STS: variants seen among roughly 807,000 people sequenced by gnomAD.
STS encodes steryl-sulfatase.
STS carries 7 observed loss-of-function variants against 26.8 expected under a neutral mutation model. The ratio of observed to expected loss-of-function variants is 0.26; its 90% CI spans 0.15 to 0.49. The LOEUF (loss-of-function observed/expected upper bound fraction) is 0.49, where lower values mean the gene tolerates loss of function less well. STS is among the 20% of genes least tolerant of loss of function. The pLI is 0.98. For synonymous variants in STS, 199 were observed against 189.4 expected (o/e 1.05, Z -0.42); for missense variants, 434 against 465.6 (o/e 0.93, Z 0.63).
intron 6 of STS, among the ~76,000 whole-genome samples, chrX:7,267,413 C>T (rs1421513096): frequency 8.9e-6 from 1 of 112,091 alleles, no homozygotes; most frequent in Non-Finnish European, 1.9e-5. Context: ...TATTCACAAA[C>T]AGCTTTTTTC....
rs773771753 is a variant in STS, at chrX:7,233,175, C to T, written c.-4-20021C>T. Among the ~76,000 whole-genome samples the T allele has an allele frequency of 5.0e-5, 5 of 100,555 alleles. No homozygotes were observed. In the East Asian group the frequency reaches 1.3e-3, roughly 26 times the overall value. The allele number at this position is 100,555 out of a possible 115,157, so 87.3% of individuals were successfully genotyped here. A position where few individuals can be genotyped will look rare whatever the true frequency, so the allele number is the denominator to read the frequency against. On this transcript the variant is annotated intron_variant, in intron 2 of 10. Coordinates refer to ENST00000674429, the MANE Select transcript of STS (RefSeq NM_001320752.2). ...ATGGCGCGATCTTGGCTCACTGCAA[C>T]CTCTGCCTCCAGGGTTCAAGCAATT...
At position 7,351,517 on chromosome X, in the gene STS, C is replaced by G. The variant is rs1928795986; in HGVS notation, c.*1256C>G. ...TTCAAAGTCTAAACCACCAGCCCAT[C>G]CTGAGGAAAGCCTCCTATGGAATGT... On this transcript the variant is annotated 3_prime_UTR_variant, in exon 11 of 11. Transcript: ENST00000674429. The G allele has an allele frequency of 8.9e-6, 1 of 112,030 alleles. No homozygotes were observed. The highest frequency in any genetic ancestry group is 1.9e-5 in the Non-Finnish European group (1 of 53,225). 9.2% of individuals were successfully genotyped at this position (112,030 alleles called of 1,213,427 possible).
intron 10 of STS, among the ~76,000 whole-genome samples, chrX:7,341,791 TC>T (rs1928295482): frequency 9.1e-6 from 1 of 109,951 alleles, no homozygotes; most frequent in Non-Finnish European, 1.9e-5. Context: ...AACCATCATC[TC>T]TTTTTTTTTT....
At position 7,325,362 on chromosome X, in the gene STS, G is replaced by A. The variant is rs767138089; in HGVS notation, c.1105G>A (p.Gly369Arg). 2 of 1,211,488 alleles carry A rather than the reference G, an allele frequency of 1.7e-6. No individual in the cohort carries two copies. The highest frequency in any genetic ancestry group is 3.0e-5 in the East Asian group (1 of 33,796). ...AGGAGGAAAAGCAAACAACTGGGAA[G>A]GAGGTATCCGGGTTCCAGGCATCCT... ...YKGGKANNWE[G>R]GIRVPGILRW... The change falls in exon 9 of 11, where the codon GGA becomes AGA. Residue 369 changes from glycine to arginine, a missense_variant. Gly to Arg is a moderately radical substitution (Grantham distance 125). Transcript: ENST00000674429.
At chrX:7,229,225 G>A (rs186796288) in intron 2 of STS, among the ~76,000 whole-genome samples, 6 of 112,273 alleles carry the variant, frequency 5.3e-5, no homozygotes, top group African/African-American at 1.9e-4. Flanking sequence ...CGCTTCATCT[G>A]TGTGGCCCCT....
At chrX:7,231,432 G>A (rs1922055187) in intron 2 of STS, among the ~76,000 whole-genome samples, 1 of 112,011 alleles carries the variant, frequency 8.9e-6, no homozygotes, top group Non-Finnish European at 1.9e-5. Context: ...TTGTCAATGT[G>A]TGTTCACTGG....
intron 1 of STS, among the ~76,000 whole-genome samples, chrX:7,159,760 A>T (rs943260221): frequency 1.8e-5 from 2 of 112,367 alleles, no homozygotes; most frequent in Admixed American, 9.5e-5. Flanking sequence ...CCTCTGAGTG[A>T]TGTTAAAAAT....
In STS at chrX:7,205,943, G is replaced by T. The variant is rs184353077; in HGVS notation, c.-5+14935G>T. Among the ~76,000 whole-genome samples the T allele has an allele frequency of 1.1e-4, 12 of 110,428 alleles. No individual in the cohort carries two copies. The East Asian group carries it at 3.4e-3, about 32-fold the overall frequency. On this transcript the variant is annotated intron_variant, in intron 2 of 10. Coordinates refer to ENST00000674429, the MANE Select transcript of STS (RefSeq NM_001320752.2). Reference sequence around the variant, plus strand: ...AATCATTTTTCCTCTGGATTTCACAGTCATTGCATAATTGTCTTGTACCAC... The same window carrying T: ...AATCATTTTTCCTCTGGATTTCACATTCATTGCATAATTGTCTTGTACCAC...
At chrX:7,198,279 G>A (rs181125694) in intron 2 of STS, among the ~76,000 whole-genome samples, 172 of 111,242 alleles carry the variant, frequency 1.5e-3, no homozygotes, top group African/African-American at 5.2e-3. Context: ...TGAAATAATA[G>A]GGGCCCAAAG....
intron 1 of STS, among the ~76,000 whole-genome samples, chrX:7,180,919 C>T (rs1231892670): frequency 8.9e-6 from 1 of 112,340 alleles, no homozygotes; most frequent in African/African-American, 3.2e-5. Flanking sequence ...TCAACCTGTT[C>T]ACAGCATGGA....
chrX:7,156,641 A>G (rs968644545), intron 1 of STS, among the ~76,000 whole-genome samples: 10 of 112,169 alleles, frequency 8.9e-5, no homozygotes, highest in African/African-American at 3.2e-4. Flanking sequence ...TGCCAGTTAA[A>G]GAAAGGTAGT....
chrX:7,293,718 A>T (rs1334781193), intron 7 of STS, among the ~76,000 whole-genome samples: 2 of 111,985 alleles, frequency 1.8e-5, no homozygotes, highest in Non-Finnish European at 3.8e-5. Context: ...ATATGTAGAT[A>T]TTGTGTATGT....
At chrX:7,285,619 G>C (rs777612989) in intron 7 of STS, among the ~76,000 whole-genome samples, 3 of 111,853 alleles carry the variant, frequency 2.7e-5, no homozygotes, top group African/African-American at 9.7e-5. Context: ...AAAAGACATT[G>C]ATTATACCAA....
intron 2 of STS, among the ~76,000 whole-genome samples, chrX:7,201,186 A>C (rs779235131): frequency 8.9e-5 from 10 of 111,758 alleles, no homozygotes; most frequent in African/African-American, 3.2e-4. Flanking sequence ...GGATGGATGG[A>C]CAGATAAATA....
chrX:7,307,800 C>G (rs2147142614), intron 8 of STS, among the ~76,000 whole-genome samples: 1 of 112,069 alleles, frequency 8.9e-6, no homozygotes, highest in South Asian at 3.8e-4. Flanking sequence ...GTTCAGTCCT[C>G]AGTTCCTCTT....
chrX:7,186,611 G>A (rs185034038), intron 1 of STS, among the ~76,000 whole-genome samples: 1 of 111,795 alleles, frequency 8.9e-6, no homozygotes, highest in East Asian at 2.8e-4. Flanking sequence ...TTGGGAAGAT[G>A]CCTTCTGAAA....
At chrX:7,174,842 G>A (rs1218926502) in intron 1 of STS, among the ~76,000 whole-genome samples, 2 of 110,819 alleles carry the variant, frequency 1.8e-5, no homozygotes, top group Admixed American at 1.9e-4. Context: ...CCTTAGATGG[G>A]CCCTGATTGT....
chrX:7,319,939 AT>A (rs1322666675), intron 8 of STS, among the ~76,000 whole-genome samples: 3 of 95,300 alleles, frequency 3.1e-5, no homozygotes, highest in Non-Finnish European at 4.1e-5. Flanking sequence ...ATATATATAT[AT>A]TTTTATATGT....
chrX:7,227,962 T>C (rs773274698), intron 2 of STS, among the ~76,000 whole-genome samples: 78 of 112,198 alleles, frequency 7.0e-4, no homozygotes, highest in Non-Finnish European at 1.2e-3. Context: ...AGTGGAATCA[T>C]ACAGAATTTG....
Sources: gnomAD v4.1 joint callset for allele counts (sites outside exome capture counted in the v4.1 genomes callset) on GRCh38, gnomAD v4.1.1 for gene constraint, MANE v1.5 for transcripts, NCBI Gene and HGNC (gene_info 2026-07-23, HGNC 2026-07-21) for gene names.